Variants in ZNF649 observed in about 807,000 individuals in gnomAD.
ZNF649 encodes zinc finger protein 649.
In ZNF649, 7 loss-of-function variants were observed where a neutral mutation model predicts 14.1. The ratio of observed to expected loss-of-function variants is 0.49; its 90% CI spans 0.28 to 0.93. The LOEUF is 0.93. ZNF649 is among the 40% of genes least tolerant of loss of function. ZNF649 has a pLI of 0.10. For missense variants in ZNF649, 544 were observed against 608.1 expected, an observed-to-expected ratio of 0.89 and a Z score of 1.11; for synonymous variants, 227 against 212.3, an observed-to-expected ratio of 1.07 and a Z score of -0.60.
intron 4 of ZNF649, among the ~76,000 whole-genome samples, chr19:51,895,709 C>T (rs2085057272): frequency 6.6e-6 from 1 of 151,882 alleles, no homozygotes; most frequent in Non-Finnish European, 1.5e-5. Flanking sequence ...GGCACTCTTT[C>T]TCCCTCTCTC....
intron 1 of ZNF649, among the ~76,000 whole-genome samples, chr19:51,902,723 G>A (rs975975340): frequency 2.0e-5 from 3 of 152,050 alleles, no homozygotes; most frequent in Non-Finnish European, 4.4e-5. Flanking sequence ...TCTCGATTTG[G>A]TAAAAATCGG....
chr19:51,896,253 TAAG>T (rs2085061561), intron 4 of ZNF649: 1 of 389,378 alleles, frequency 2.6e-6, no homozygotes, highest in South Asian at 4.6e-5. Context: ...ACTCAACATC[TAAG>T]AAGAAATGAA....
intron 2 of ZNF649, chr19:51,899,670 T>C (rs2085084130): frequency 6.2e-6 from 1 of 160,236 alleles, no homozygotes; most frequent in African/African-American, 2.4e-5. Flanking sequence ...GGACAAAAAG[T>C]CTATCTTGTC....
At chr19:51,898,518 A>G (rs1025911726) in intron 2 of ZNF649, among the ~76,000 whole-genome samples, 4 of 152,248 alleles carry the variant, frequency 2.6e-5, no homozygotes, top group African/African-American at 9.6e-5. Context: ...CTCTGATCCC[A>G]TGGAATTGCA....
chr19:51,895,273 A>G (rs781144411), intron 4 of ZNF649, among the ~76,000 whole-genome samples: 4 of 152,234 alleles, frequency 2.6e-5, no homozygotes, highest in Admixed American at 1.3e-4. Context: ...TGAAAAATAC[A>G]TAGTGTCAGA....
chr19:51,902,953 G>A (rs1382738942), intron 1 of ZNF649, among the ~76,000 whole-genome samples: 2 of 152,176 alleles, frequency 1.3e-5, no homozygotes, highest in Non-Finnish European at 2.9e-5. Flanking sequence ...ATAAAAGTGA[G>A]ATCGTTCATG....
Position 51,891,621 on chromosome 19 carries a change from T to G in ZNF649, c.515A>C (p.His172Pro). 1 of 1,614,234 alleles carries G rather than the reference T, an allele frequency of 6.2e-7. No individual in the cohort carries two copies. Among genetic ancestry groups the G allele is most frequent in the African/African-American group, 1.3e-5 (1 of 75,062 alleles). ...GCATTCATGGGCTTTCTCTATGTTG[T>G]GTGTTTGCTGATGTTTAAGGAATTG... ...KSQFLKHQQT[H>P]NIEKAHECTD... Residue 172 changes from histidine to proline, a missense_variant, in exon 5 of 5, where the codon CAC (histidine) becomes CCC (proline). Transcript: ENST00000354957. This position sits in a 1 kb window ranked among gnomAD's most constrained non-coding sequence, Gnocchi z 4.2.
chr19:51,904,866 A>C (rs2085114591), intron 1 of ZNF649, 48 bp downstream of exon 1: 1 of 152,534 alleles, frequency 6.6e-6, no homozygotes, highest in Non-Finnish European at 1.5e-5. Context: ...GCTCCTCAGA[A>C]GCTCCCTACC....
intron 1 of ZNF649, chr19:51,900,597 G>C (rs1486774444): frequency 6.5e-6 from 1 of 153,394 alleles, no homozygotes; most frequent in African/African-American, 2.4e-5. Context: ...CTGGTCATGA[G>C]AACGTGATGG....
rs1034958903 is a variant in ZNF649, at chr19:51,896,842, C to G, written c.142+10G>C. The G allele has an allele frequency of 1.9e-6, 3 of 1,614,118 alleles. No individual in the cohort carries two copies. Among genetic ancestry groups the G allele is most frequent in the Non-Finnish European group, 1.7e-6 (2 of 1,180,014 alleles). ...GTACCCTCTGAGTGACACAGGGCAG[C>G]TGTCCTCACCCACTGACACAAGGTT... is the stretch of plus-strand genomic sequence containing the variant. On this transcript the variant is annotated intron_variant, in intron 3 of 4. Coordinates refer to ENST00000354957, the MANE Select transcript of ZNF649 (RefSeq NM_023074.4).
At chr19:51,898,372 G>A (rs1006901419) in intron 2 of ZNF649, among the ~76,000 whole-genome samples, 1 of 152,120 alleles carries the variant, frequency 6.6e-6, no homozygotes, top group Non-Finnish European at 1.5e-5. Flanking sequence ...TCCCTGCTCA[G>A]GTTCGATAAT....
chr19:51,890,871 C>A lies in ZNF649; in HGVS notation c.1265G>T (p.Arg422Ile). 6.2e-6 allele frequency: 10 copies of A among 1,614,230 alleles called. No individual in the cohort carries two copies. The highest frequency in any genetic ancestry group is 8.5e-6 in the Non-Finnish European group (10 of 1,180,040). The change falls in exon 5 of 5, where the codon AGA (arginine) becomes ATA (isoleucine). Residue 422 changes from arginine (R) to isoleucine (I), a missense_variant. Transcript: ENST00000354957. Reference protein sequence around the residue: ...LTKTMLIVHHRTHTGERPYGC... With the variant: ...LTKTMLIVHHITHTGERPYGC... ...ATAGGGTCTCTCTCCCGTGTGAGTT[C>A]TGTGATGTACAATGAGCATTGTCTT...
chr19:51,891,789 C>T lies in ZNF649; in HGVS notation c.347G>A (p.Gly116Asp), dbSNP rs2085024751. ...GTATCTTCTGCTCTGGTTGGTTAAA[C>T]CTAAATATGATTTCAAAGTTCTTCC... The part of the protein sequence containing the change: ...EHGRTLKSYL[G>D]LTNQSRRYNR... The change falls in exon 5 of 5, where the codon GGT becomes GAT. Residue 116 changes from glycine to aspartate, a missense_variant. Gly to Asp is a moderately conservative substitution (Grantham distance 94). Transcript: ENST00000354957. This position sits in a 1 kb window ranked among gnomAD's most constrained non-coding sequence, Gnocchi z 4.2. 4 of 1,613,866 alleles carry T rather than the reference C, an allele frequency of 2.5e-6. No homozygotes were observed. The highest frequency in any genetic ancestry group is 3.4e-6 in the Non-Finnish European group (4 of 1,179,986).
Position 51,891,549 on chromosome 19 carries a change from TGCTCAGTGAGCTGA to T in ZNF649, c.573_586del (p.Gln192Ter). 1 of 1,614,278 alleles carries T rather than the reference TGCTCAGTGAGCTGA, an allele frequency of 6.2e-7. No individual in the cohort carries two copies. The highest frequency in any genetic ancestry group is 8.5e-7 in the Non-Finnish European group (1 of 1,180,054). On this transcript the variant is annotated frameshift_variant, in exon 5 of 5. Coordinates refer to ENST00000354957, the MANE Select transcript of ZNF649 (RefSeq NM_023074.4). LOFTEE classifies it low-confidence loss of function (END_TRUNC). This position sits in a 1 kb window ranked among gnomAD's most constrained non-coding sequence, Gnocchi z 4.2. The stretch of plus-strand genomic sequence containing the variant: ...TTTCTTTCCTGTATGAATTCTCTTA[TGCTCAGTGAGCTGA>T]GACTTCTTGAGGAAAGCTTTCCCAC...
intron 2 of ZNF649, among the ~76,000 whole-genome samples, chr19:51,899,433 A>G (rs2085082900): frequency 6.6e-6 from 1 of 152,196 alleles, no homozygotes; most frequent in Admixed American, 6.5e-5. Flanking sequence ...TGACCTGTTC[A>G]TGGAGCTCCT....
intron 1 of ZNF649, chr19:51,904,189 C>CT (rs1328511947): frequency 1.3e-5 from 2 of 152,178 alleles, no homozygotes; most frequent in African/African-American, 4.8e-5. Flanking sequence ...CTCTGTTAAT[C>CT]TGCTGTGATT....
intron 1 of ZNF649, among the ~76,000 whole-genome samples, chr19:51,900,962 T>C (rs1459556111): frequency 6.6e-6 from 1 of 152,188 alleles, no homozygotes; most frequent in East Asian, 1.9e-4. Flanking sequence ...CACTTATTAC[T>C]GTGAAAACAT....
At position 51,889,956 on chromosome 19, in the gene ZNF649, G is replaced by A. The variant is rs1014731760; in HGVS notation, c.*662C>T. 3 of 152,116 alleles carry A rather than the reference G, an allele frequency of 2.0e-5. No individual in the cohort carries two copies. Among genetic ancestry groups the A allele is most frequent in the Non-Finnish European group, 2.9e-5 (2 of 68,020 alleles). The allele number at this position is 152,116 out of a possible 1,614,324, so 9.4% of individuals were successfully genotyped here. On this transcript the variant is annotated 3_prime_UTR_variant, in exon 5 of 5. Transcript: ENST00000354957. ...CAGAGATTGTTAACTGGATAAAAAA[G>A]GAAGGCCCAACTGTATGTTGCCCAC...
At chr19:51,892,126 A>G (rs1336331820) in intron 4 of ZNF649, among the ~76,000 whole-genome samples, 1 of 152,198 alleles carries the variant, frequency 6.6e-6, no homozygotes, top group Non-Finnish European at 1.5e-5. Context: ...CTGTAATCCC[A>G]GCACTTTGAG....
Sources: gnomAD v4.1 joint callset for allele counts (sites outside exome capture counted in the v4.1 genomes callset) on GRCh38, gnomAD v4.1.1 for gene constraint, Gnocchi (gnomAD v3.1) non-coding constraint, MANE v1.5 for transcripts, NCBI Gene and HGNC (gene_info 2026-07-23, HGNC 2026-07-21) for gene names.